Variants in RAB11A observed in about 807,000 individuals in gnomAD.
RAB11A encodes the protein RAB11A, member RAS oncogene family, also known as ras-related protein Rab-11A.
In RAB11A, 9 loss-of-function variants were observed where a neutral mutation model predicts 28.0. The observed-to-expected ratio is 0.32, with a 90% CI of 0.19 to 0.56. The LOEUF is 0.56. Ranked by LOEUF, RAB11A falls within the 20% of genes least tolerant of loss-of-function variation. The pLI, the probability that RAB11A is intolerant of heterozygous loss-of-function variation, is 0.91. For synonymous variants in RAB11A, 85 were observed against 88.2 expected, an observed-to-expected ratio of 0.96 and a Z score of 0.20; for missense variants, 108 against 269.6, an observed-to-expected ratio of 0.40 and a Z score of 4.20.
At chr15:65,875,620 A>G (rs2078187212) in intron 1 of RAB11A, among the ~76,000 whole-genome samples, 1 of 152,224 alleles carries the variant, frequency 6.6e-6, no homozygotes, top group Admixed American at 6.5e-5. Context: ...TTTGTGCTGC[A>G]TTGGATTCAC....
At chr15:65,887,420 G>A (rs564121869) in intron 4 of RAB11A, among the ~76,000 whole-genome samples, 1 of 152,136 alleles carries the variant, frequency 6.6e-6, no homozygotes, top group East Asian at 1.9e-4. Context: ...TGATCTGCCT[G>A]GCCTGGTTTA....
At chr15:65,884,505 G>A (rs185959304) in intron 4 of RAB11A, among the ~76,000 whole-genome samples, 2 of 152,246 alleles carry the variant, frequency 1.3e-5, no homozygotes, top group East Asian at 3.9e-4. Context: ...AGAGGGAAAG[G>A]CAGACTTCTC....
chr15:65,886,591 A>G (rs2078257320), intron 4 of RAB11A, among the ~76,000 whole-genome samples: 1 of 152,218 alleles, frequency 6.6e-6, no homozygotes, highest in East Asian at 1.9e-4. Context: ...AATAAGGTAC[A>G]TTCTCTGTTC....
chr15:65,869,524 C>G lies in RAB11A; in HGVS notation c.-62C>G. The stretch of plus-strand genomic sequence containing the variant: ...CTCGGCGCTCGGGTTACCCCTGCAG[C>G]GACGCCCCCTGGTCCCACAGATACC... On this transcript the variant is annotated 5_prime_UTR_variant, in exon 1 of 5. Transcript: ENST00000261890. The G allele has an allele frequency of 6.3e-7, 1 of 1,585,300 alleles. No individual in the cohort carries two copies. The highest frequency in any genetic ancestry group is 2.3e-5 in the East Asian group (1 of 44,422).
At chr15:65,875,061 G>A (rs1293017834) in intron 1 of RAB11A, among the ~76,000 whole-genome samples, 1 of 151,868 alleles carries the variant, frequency 6.6e-6, no homozygotes, top group African/African-American at 2.4e-5. Context: ...AAGAAAGAAA[G>A]AAAGAAAGTG....
chr15:65,877,627 G>T lies in RAB11A; in HGVS notation c.236+100G>T. 2 of 1,373,220 alleles carry T rather than the reference G, an allele frequency of 1.5e-6. No individual in the cohort carries two copies. Among genetic ancestry groups the T allele is most frequent in the Non-Finnish European group, 9.9e-7 (1 of 1,014,974 alleles). The allele number at this position is 1,373,220 out of a possible 1,614,324, so 85.1% of individuals were successfully genotyped here. A position where few individuals can be genotyped will look rare whatever the true frequency, so the allele number is the denominator to read the frequency against. On this transcript the variant is annotated intron_variant, in intron 2 of 4. Transcript: ENST00000261890. This position sits in a 1 kb window ranked among gnomAD's most constrained non-coding sequence, Gnocchi z 4.1. ...AAGAACTGTTGTTTTTTTCTTTTAA[G>T]AATTCTAGTATTAGGAATCCTTAGA...
chr15:65,872,661 T>A (rs980879047), intron 1 of RAB11A, among the ~76,000 whole-genome samples: 2 of 152,072 alleles, frequency 1.3e-5, no homozygotes, highest in African/African-American at 4.8e-5. Flanking sequence ...CTCGAACTCC[T>A]GACCTCAGGT....
chr15:65,889,795 A>G lies in RAB11A; in HGVS notation c.*1955A>G, dbSNP rs553081758. 6.6e-6 allele frequency: 1 copy of G among 152,330 alleles called. No individual in the cohort carries two copies. Among genetic ancestry groups the G allele is most frequent in the South Asian group, 2.1e-4 (1 of 4,828 alleles). The allele number at this position is 152,330 out of a possible 1,614,324, so 9.4% of individuals were successfully genotyped here. Reference sequence around the variant, plus strand: ...ATAGTGAATTGAAAATGAATAAAGTAAACTTAGAATTTTTACCCAAGTGTA... The same window carrying G: ...ATAGTGAATTGAAAATGAATAAAGTGAACTTAGAATTTTTACCCAAGTGTA... On this transcript the variant is annotated 3_prime_UTR_variant, in exon 5 of 5. Coordinates refer to ENST00000261890, the MANE Select transcript of RAB11A (RefSeq NM_004663.5).
chr15:65,883,710 A>G (rs1204346898), intron 4 of RAB11A, among the ~76,000 whole-genome samples: 1 of 152,026 alleles, frequency 6.6e-6, no homozygotes, highest in Non-Finnish European at 1.5e-5. Flanking sequence ...CTGAGCCACC[A>G]TGCTCTCTAA....
Position 65,890,464 on chromosome 15 carries a change from A to G in RAB11A, c.*2624A>G, listed in dbSNP as rs2078285027. 1 of 152,054 alleles carries G rather than the reference A, an allele frequency of 6.6e-6. No homozygotes were observed. Among genetic ancestry groups the G allele is most frequent in the African/African-American group, 2.4e-5 (1 of 41,366 alleles). 9.4% of individuals were successfully genotyped at this position (152,054 alleles called of 1,614,324 possible). ...AATGCCATGATTTCTCTTTAATAGT[A>G]GTTGTCATTATGTAAGGGTAAGTTA... On this transcript the variant is annotated 3_prime_UTR_variant, in exon 5 of 5. Coordinates refer to ENST00000261890, the MANE Select transcript of RAB11A (RefSeq NM_004663.5).
At chr15:65,875,443 A>G (rs1002285525) in intron 1 of RAB11A, among the ~76,000 whole-genome samples, 2 of 152,214 alleles carry the variant, frequency 1.3e-5, no homozygotes, top group African/African-American at 4.8e-5. Flanking sequence ...TGGACCTTGG[A>G]AACTAGTATA....
chr15:65,870,820 G>A, intron 1 of RAB11A, among the ~76,000 whole-genome samples: 1 of 152,062 alleles, frequency 6.6e-6, no homozygotes, highest in Non-Finnish European at 1.5e-5. Flanking sequence ...GAGGGTCAGG[G>A]TTGGTTAGAA....
Position 65,869,558 on chromosome 15 carries a change from T to TC in RAB11A, c.-25dup, listed in dbSNP as rs1433099339. The TC allele has an allele frequency of 6.2e-7, 1 of 1,608,330 alleles. No homozygotes were observed. Among genetic ancestry groups the TC allele is most frequent in the Non-Finnish European group, 8.5e-7 (1 of 1,179,214 alleles). On this transcript the variant is annotated 5_prime_UTR_variant, in exon 1 of 5. Transcript: ENST00000261890. The stretch of plus-strand genomic sequence containing the variant: ...CTGGTCCCACAGATACCACTGCTGC[T>TC]CCCGCCCTTTCGCTCCTCGGCCGCG...
At chr15:65,881,406 C>T (rs923414101) in intron 4 of RAB11A, among the ~76,000 whole-genome samples, 4 of 152,172 alleles carry the variant, frequency 2.6e-5, no homozygotes, top group Admixed American at 2.0e-4. Flanking sequence ...CCTCCCTGCT[C>T]CTCAGAGTCA....
At position 65,877,053 on chromosome 15, in the gene RAB11A, CTG is replaced by C. The variant is rs1208120229; in HGVS notation, c.41-278_41-277del. ...ATGCCAAGGGCATCTGTGATTAAAA[CTG>C]CATGTTTAAGACAGGGTACCGTATC... On this transcript the variant is annotated intron_variant, in intron 1 of 4. Coordinates refer to ENST00000261890, the MANE Select transcript of RAB11A (RefSeq NM_004663.5). The surrounding 1 kb of genome is among the most constrained non-coding windows in gnomAD (Gnocchi z 4.1). 6.6e-6 allele frequency among the ~76,000 whole-genome samples: 1 copy of C among 152,192 alleles called. No homozygotes were observed. Among genetic ancestry groups the C allele is most frequent in the Non-Finnish European group, 1.5e-5 (1 of 68,038 alleles).
rs1555448216 is a variant in RAB11A, at chr15:65,889,407, TTGA to T, written c.*1569_*1571del. ...CTGTAATTTGATTTTTTTTTAGTTA[TTGA>T]TTTGGATTATATTCACATTCTAATA... On this transcript the variant is annotated 3_prime_UTR_variant, in exon 5 of 5. Coordinates refer to ENST00000261890, the MANE Select transcript of RAB11A (RefSeq NM_004663.5). 6.6e-6 allele frequency: 1 copy of T among 152,250 alleles called. No homozygotes were observed. The highest frequency in any genetic ancestry group is 1.5e-5 in the Non-Finnish European group (1 of 68,040). The allele number at this position is 152,250 out of a possible 1,614,324, so 9.4% of individuals were successfully genotyped here.
At chr15:65,876,887 AGCCTT>A (rs1369868068) in intron 1 of RAB11A, among the ~76,000 whole-genome samples, 4 of 152,192 alleles carry the variant, frequency 2.6e-5, no homozygotes, top group African/African-American at 9.7e-5. Flanking sequence ...ACCCACTAAC[AGCCTT>A]TGTTGTTTTC....
chr15:65,883,104 C>G (rs2078233194), intron 4 of RAB11A, among the ~76,000 whole-genome samples: 2 of 152,154 alleles, frequency 1.3e-5, no homozygotes. Context: ...AGGATATTCT[C>G]TTTTATAGCC....
intron 4 of RAB11A, among the ~76,000 whole-genome samples, chr15:65,884,152 T>TA (rs535422060): frequency 1.3e-3 from 184 of 144,626 alleles, no homozygotes; most frequent in East Asian, 5.4e-3. Flanking sequence ...AAATTAAAAT[T>TA]AAAAAAAAAA....
Sources: allele counts gnomAD v4.1 joint callset (sites outside exome capture counted in the v4.1 genomes callset), GRCh38; gene constraint gnomAD v4.1.1; non-coding constraint Gnocchi (gnomAD v3.1); transcripts MANE v1.5; gene names NCBI Gene and HGNC (gene_info 2026-07-23, HGNC 2026-07-21).